CCDC60: variants seen among roughly 807,000 people sequenced by gnomAD.
CCDC60 encodes coiled-coil domain-containing protein 60.
In CCDC60, 54 loss-of-function variants were observed where a neutral mutation model predicts 63.5. That is an observed-to-expected ratio of 0.85 (90% confidence interval 0.68 to 1.07). The LOEUF (loss-of-function observed/expected upper bound fraction) is 1.07, where lower values mean the gene tolerates loss of function less well. Among genes scored for constraint, CCDC60 ranks in the 50% least tolerant of loss-of-function variants. The pLI, the probability that CCDC60 is intolerant of heterozygous loss-of-function variation, is 0.00. For synonymous variants in CCDC60, 206 were observed against 238.8 expected (o/e 0.86, Z 1.27); for missense variants, 651 against 684.3 (o/e 0.95, Z 0.54).
rs973697827 is a variant in CCDC60 at position 119,456,816 on chromosome 12, C to G, written c.171-15178C>G. 6.6e-5 allele frequency among the ~76,000 whole-genome samples: 10 copies of G among 152,182 alleles called. No homozygotes were observed. The highest frequency in any genetic ancestry group is 5.2e-4 in the Admixed American group (8 of 15,270). On this transcript the variant is annotated intron_variant, in intron 2 of 13. Coordinates refer to ENST00000327554, the MANE Select transcript of CCDC60 (RefSeq NM_178499.5). This position sits in a 1 kb window ranked among gnomAD's most constrained non-coding sequence, Gnocchi z 4.6. ...TGTAGCAGTGAGGACGACCAGAGGT[C>G]ACTCTTGTCGCCATCTTGGTTTTGG...
chr12:119,378,899 A>G (rs1955981333), intron 1 of CCDC60, among the ~76,000 whole-genome samples: 1 of 152,214 alleles, frequency 6.6e-6, no homozygotes, highest in African/African-American at 2.4e-5. Context: ...TTCCCTCTGT[A>G]CATGGTGGGT....
At chr12:119,441,180 G>A (rs898987348) in intron 2 of CCDC60, among the ~76,000 whole-genome samples, 4 of 152,110 alleles carry the variant, frequency 2.6e-5, no homozygotes, top group South Asian at 2.1e-4. Context: ...GATACAGGGC[G>A]GGGGGAGTCA....
At chr12:119,335,492 T>C (rs1205382355) in intron 1 of CCDC60, among the ~76,000 whole-genome samples, 1 of 151,156 alleles carries the variant, frequency 6.6e-6, no homozygotes, top group African/African-American at 2.4e-5. Flanking sequence ...ATTGCCATTC[T>C]AACTGGTGTG....
chr12:119,533,576 A>G (rs1952920791), intron 13 of CCDC60, among the ~76,000 whole-genome samples: 2 of 152,188 alleles, frequency 1.3e-5, no homozygotes, highest in Admixed American at 1.3e-4. Context: ...TCTTTAATCC[A>G]TCTTGAATTA....
At chr12:119,439,259 G>A (rs1049792881) in intron 2 of CCDC60, among the ~76,000 whole-genome samples, 1 of 149,834 alleles carries the variant, frequency 6.7e-6, no homozygotes, top group African/African-American at 2.5e-5. Flanking sequence ...TCAAACTTGT[G>A]TGTGTGTGCA....
At chr12:119,461,593 T>C (rs1950858044) in intron 2 of CCDC60, among the ~76,000 whole-genome samples, 1 of 152,188 alleles carries the variant, frequency 6.6e-6, no homozygotes, top group Non-Finnish European at 1.5e-5. Flanking sequence ...CCCTCTCCCA[T>C]GCACTGGTTG....
intron 1 of CCDC60, among the ~76,000 whole-genome samples, chr12:119,401,952 T>G (rs552722262): frequency 6.6e-6 from 1 of 152,342 alleles, no homozygotes; most frequent in South Asian, 2.1e-4. Context: ...TTATTAATTG[T>G]AACAATTACA....
intron 13 of CCDC60, among the ~76,000 whole-genome samples, chr12:119,540,051 C>T (rs1953113227): frequency 1.3e-5 from 2 of 152,160 alleles, no homozygotes; most frequent in Admixed American, 1.3e-4. Context: ...CCAGGTACCT[C>T]AGCTGGAAAT....
At chr12:119,349,882 G>A (rs1048453978) in intron 1 of CCDC60, among the ~76,000 whole-genome samples, 2 of 152,110 alleles carry the variant, frequency 1.3e-5, no homozygotes, top group East Asian at 1.9e-4. Flanking sequence ...TTCAGTGCAG[G>A]AAGCTCTTCT....
At chr12:119,403,914 G>C (rs893657338) in intron 1 of CCDC60, among the ~76,000 whole-genome samples, 1 of 152,132 alleles carries the variant, frequency 6.6e-6, no homozygotes, top group African/African-American at 2.4e-5. Flanking sequence ...TACATTGTGG[G>C]ATGATTGAAT....
At position 119,506,481 on chromosome 12, in the gene CCDC60, TGTGTGCC is replaced by T. The variant is rs141816910; in HGVS notation, c.883+1179_883+1185del. On this transcript the variant is annotated intron_variant, in intron 7 of 13. Transcript: ENST00000327554. ...AAAAAAAATTAGCCATGCATGGTGG[TGTGTGCC>T]TGTGGTTCCAACTACTCAGGAGGCT... 2.9e-4 allele frequency among the ~76,000 whole-genome samples: 43 copies of T among 146,100 alleles called. No homozygotes were observed. The East Asian group carries it at 5.8e-3, about 20-fold the overall frequency.
At chr12:119,523,160 T>C (rs188554251) in intron 10 of CCDC60, among the ~76,000 whole-genome samples, 159 bp downstream of exon 10, 24 of 152,336 alleles carry the variant, frequency 1.6e-4, no homozygotes, top group Admixed American at 7.8e-4. Flanking sequence ...TAGGGACTCA[T>C]AGTCAAGAAG....
At chr12:119,472,354 T>C (rs998615234) in intron 3 of CCDC60, among the ~76,000 whole-genome samples, 190 bp downstream of exon 3, 1 of 152,144 alleles carries the variant, frequency 6.6e-6, no homozygotes, top group Non-Finnish European at 1.5e-5. Flanking sequence ...CGCTGGAACA[T>C]CTTCCACTTA....
At chr12:119,392,563 A>G (rs1328060504) in intron 1 of CCDC60, among the ~76,000 whole-genome samples, 1 of 152,248 alleles carries the variant, frequency 6.6e-6, no homozygotes, top group Non-Finnish European at 1.5e-5. Context: ...CAGGGTGCAT[A>G]ATAAGCACTC....
rs1956337316 is a variant in CCDC60, at chr12:119,398,962, T to C, written c.91-29721T>C. Among the ~76,000 whole-genome samples, 4 of 152,214 alleles carry C rather than the reference T, an allele frequency of 2.6e-5. No individual in the cohort carries two copies. The South Asian group carries it at 8.3e-4, about 32-fold the overall frequency. ...CTAAAAAGAAAGGCAATATTATGAA[T>C]GTCTCCTTTTTACAGATGAGGAAAT... On this transcript the variant is annotated intron_variant, in intron 1 of 13. Coordinates refer to ENST00000327554, the MANE Select transcript of CCDC60 (RefSeq NM_178499.5).
intron 1 of CCDC60, among the ~76,000 whole-genome samples, chr12:119,372,558 A>C (rs1955908082): frequency 6.6e-6 from 1 of 152,152 alleles, no homozygotes; most frequent in Non-Finnish European, 1.5e-5. Flanking sequence ...ACACATAAAA[A>C]TCCCCCACAT....
At chr12:119,527,666 CTTT>C (rs869099213) in intron 11 of CCDC60, among the ~76,000 whole-genome samples, 4 of 84,968 alleles carry the variant, frequency 4.7e-5, no homozygotes, top group East Asian at 3.4e-4. Context: ...TTCTTTCTTT[CTTT>C]TTTTTTTTTT....
At chr12:119,514,246 G>A (rs1363302798) in intron 7 of CCDC60, among the ~76,000 whole-genome samples, 1 of 151,578 alleles carries the variant, frequency 6.6e-6, no homozygotes, top group East Asian at 1.9e-4. Context: ...GCGCAGTCTC[G>A]GTTTACTGCA....
chr12:119,402,967 A>G (rs1956419769), intron 1 of CCDC60, among the ~76,000 whole-genome samples: 1 of 152,234 alleles, frequency 6.6e-6, no homozygotes, highest in Admixed American at 6.5e-5. Context: ...TAAGATTAAC[A>G]AAAAGTCCAC....
Sources: allele counts gnomAD v4.1 joint callset (sites outside exome capture counted in the v4.1 genomes callset), GRCh38; gene constraint gnomAD v4.1.1; non-coding constraint Gnocchi (gnomAD v3.1); transcripts MANE v1.5; gene names NCBI Gene and HGNC (gene_info 2026-07-23, HGNC 2026-07-21).